Variants in XPNPEP2 observed in about 807,000 individuals in gnomAD.
XPNPEP2 encodes the protein xaa-Pro aminopeptidase 2.
XPNPEP2 carries 64 observed loss-of-function variants against 59.8 expected under a neutral mutation model. The ratio of observed to expected loss-of-function variants is 1.07; its 90% CI spans 0.87 to 1.32. The LOEUF (loss-of-function observed/expected upper bound fraction) is 1.32, where lower values mean the gene tolerates loss of function less well. XPNPEP2 is among the 40% of genes most tolerant of loss of function. The pLI, the probability that XPNPEP2 is intolerant of heterozygous loss-of-function variation, is 0.00. For missense variants in XPNPEP2, 575 were observed against 546.8 expected (o/e 1.05, Z -0.51); for synonymous variants, 235 against 210.0 (o/e 1.12, Z -1.03).
chrX:129,754,219 C>A (rs758510123), intron 11 of XPNPEP2, among the ~76,000 whole-genome samples: 1 of 112,255 alleles, frequency 8.9e-6, no homozygotes. Context: ...ACAACCACCC[C>A]CTCTGCTGCT....
chrX:129,755,123 C>A (rs1926493948), intron 12 of XPNPEP2, among the ~76,000 whole-genome samples, 171 bp from the exon 13 acceptor site: 1 of 112,302 alleles, frequency 8.9e-6, no homozygotes, highest in African/African-American at 3.2e-5. Context: ...CTATAAATGA[C>A]AGGTCAGGGC....
rs1295847265 is a variant in XPNPEP2, at chrX:129,768,369, G to A, written c.1909G>A (p.Glu637Lys). ...GCTGCAGAGGCGCCAGCTACTAGAG[G>A]AGTTCGAGTGGCTTCAACAGCACAC... ...PELQRRQLLE[E>K]FEWLQQHTEP... Residue 637 changes from glutamate to lysine, a missense_variant, in exon 21 of 21, where the codon GAG becomes AAG. Coordinates refer to ENST00000371106, the MANE Select transcript of XPNPEP2 (RefSeq NM_003399.6). 4.1e-6 allele frequency: 5 copies of A among 1,207,994 alleles called. No individual in the cohort carries two copies. The Admixed American group carries it at 8.8e-5, about 21-fold the overall frequency.
chrX:129,745,327 A>T (rs1244169404), intron 4 of XPNPEP2, 61 bp downstream of exon 4: 1 of 1,161,980 alleles, frequency 8.6e-7, no homozygotes, highest in East Asian at 3.0e-5. Context: ...GTCACAGAGG[A>T]CCTAATGTGG....
chrX:129,744,152 A>G, intron 3 of XPNPEP2, 81 bp downstream of exon 3: 1 of 879,461 alleles, frequency 1.1e-6, no homozygotes, highest in South Asian at 2.2e-5. Flanking sequence ...AAAACTCAGA[A>G]GATGAAGACA....
rs1481447777 is a variant in XPNPEP2 at position 129,746,587 on chromosome X, T to C, written c.404-8T>C. On this transcript the variant is annotated splice_region_variant and splice_polypyrimidine_tract_variant and intron_variant, in intron 5 of 20. Coordinates refer to ENST00000371106, the MANE Select transcript of XPNPEP2 (RefSeq NM_003399.6). ...TGACCTCTGCATTGCTTCCTATCTT[T>C]CTTTCAGTTGGCACCACTCCTATTG... The C allele has an allele frequency of 6.6e-6, 8 of 1,207,002 alleles. No homozygotes were observed. Among genetic ancestry groups the C allele is most frequent in the Middle Eastern group, 2.4e-4 (1 of 4,231 alleles).
rs369336961 is a variant in XPNPEP2, at chrX:129,740,628, CA to C, written c.49+1380del. Among the ~76,000 whole-genome samples the C allele has an allele frequency of 7.9e-3, 642 of 81,694 alleles. 7 individuals are homozygous for C. Among genetic ancestry groups the C allele is most frequent in the African/African-American group, 0.021 (465 of 22,342 alleles). The allele number at this position is 81,694 out of a possible 115,157, so 70.9% of individuals were successfully genotyped here. A position where few individuals can be genotyped will look rare whatever the true frequency, so the allele number is the denominator to read the frequency against. On this transcript the variant is annotated intron_variant, in intron 1 of 20. Coordinates refer to ENST00000371106, the MANE Select transcript of XPNPEP2 (RefSeq NM_003399.6). ...TGGGCAAAAGAAGGAGACTCCATCT[CA>C]AAAAAAAAAAAAATGCGGGCGCGGG...
At chrX:129,767,580 C>G (rs775850439) in intron 19 of XPNPEP2, 23 bp from the exon 20 acceptor site, 1 of 1,202,737 alleles carries the variant, frequency 8.3e-7, no homozygotes. Flanking sequence ...CCTGCTTACC[C>G]GGCTTCTATT....
intron 4 of XPNPEP2, among the ~76,000 whole-genome samples, 170 bp from the exon 5 acceptor site, chrX:129,746,066 C>A (rs1016108687): frequency 8.9e-6 from 1 of 112,323 alleles, no homozygotes; most frequent in Admixed American, 9.4e-5. Flanking sequence ...CAGCTCCCCC[C>A]ACAGCTCTTT....
intron 15 of XPNPEP2, 23 bp downstream of exon 15, chrX:129,759,263 C>T: frequency 8.3e-7 from 1 of 1,209,504 alleles, no homozygotes; most frequent in Non-Finnish European, 1.1e-6. Flanking sequence ...CCAGATTTCC[C>T]CTCACCACCT....
At position 129,756,537 on chromosome X, in the gene XPNPEP2, A is replaced by C. The variant is rs757139295; in HGVS notation, c.1349A>C (p.Asp450Ala). The change falls in exon 14 of 21, where the codon GAC (aspartate) becomes GCC (alanine). Residue 450 changes from aspartate (D) to alanine (A), a missense_variant. Coordinates refer to ENST00000371106, the MANE Select transcript of XPNPEP2 (RefSeq NM_003399.6). ...KLSSDEMYLL[D>A]SGGQYWDGTT... ...TCCTCAGATGAGATGTACCTGCTGG[A>C]CTCTGGGGGGCAGTACTGGTATGTA... 1.2e-5 allele frequency: 15 copies of C among 1,210,041 alleles called. No individual in the cohort carries two copies. Among genetic ancestry groups the C allele is most frequent in the Non-Finnish European group, 1.7e-5 (15 of 894,937 alleles).
intron 19 of XPNPEP2, among the ~76,000 whole-genome samples, chrX:129,765,745 C>A (rs1212026104): frequency 9.8e-6 from 1 of 102,509 alleles, no homozygotes; most frequent in Non-Finnish European, 2.0e-5. Flanking sequence ...TCAAGTGATT[C>A]TCTTGCCTTA....
chrX:129,745,181 G>T, intron 3 of XPNPEP2, 22 bp from the exon 4 acceptor site: 5 of 1,211,133 alleles, frequency 4.1e-6, no homozygotes, highest in Non-Finnish European at 5.6e-6. Context: ...AAAGGCTAAT[G>T]ATGGTGTTGT....
chrX:129,760,272 T>C (rs928159795), intron 15 of XPNPEP2, among the ~76,000 whole-genome samples: 1 of 112,523 alleles, frequency 8.9e-6, no homozygotes, highest in African/African-American at 3.2e-5. Flanking sequence ...ATTGTAATGA[T>C]CCTCATAGAC....
In XPNPEP2 at chrX:129,742,186, G is replaced by C; in HGVS notation, c.123+5G>C. 3 of 1,153,484 alleles carry C rather than the reference G, an allele frequency of 2.6e-6. No homozygotes were observed. ...AACTGTTCCACCAACCCCCCTGTGA[G>C]TGCCCCCTGCCCCCCGCGCACGGCC... On this transcript the variant is annotated splice_donor_5th_base_variant and intron_variant, in intron 2 of 20. Coordinates refer to ENST00000371106, the MANE Select transcript of XPNPEP2 (RefSeq NM_003399.6).
At chrX:129,745,982 C>T (rs996751668) in intron 4 of XPNPEP2, among the ~76,000 whole-genome samples, 2 of 111,450 alleles carry the variant, frequency 1.8e-5, no homozygotes, top group Non-Finnish European at 3.8e-5. Flanking sequence ...CAAAAGTTGA[C>T]CTCACTTCTG....
chrX:129,766,895 AAGAGC>A (rs759685083), intron 19 of XPNPEP2, among the ~76,000 whole-genome samples: 1 of 111,490 alleles, frequency 9.0e-6, no homozygotes, highest in African/African-American at 3.3e-5. Flanking sequence ...GAGAGCTAAC[AAGAGC>A]AGGGAAAACT....
intron 14 of XPNPEP2, 32 bp from the exon 15 acceptor site, chrX:129,759,148 G>T (rs1926609858): frequency 8.3e-7 from 1 of 1,208,499 alleles, no homozygotes; most frequent in Non-Finnish European, 1.1e-6. Context: ...CTAGCCCCAG[G>T]CATTTGGCAT....
In XPNPEP2 at chrX:129,767,664, T is replaced by C; in HGVS notation, c.1802T>C (p.Ile601Thr). The C allele has an allele frequency of 8.3e-7, 1 of 1,211,536 alleles. No individual in the cohort carries two copies. Among genetic ancestry groups the C allele is most frequent in the Non-Finnish European group, 1.1e-6 (1 of 895,444 alleles). ...VSFVPYDRNL[I>T]DVSLLSPEHL... ...TTTGTGCCCTATGACCGGAACCTCA[T>C]CGATGTCAGCCTGCTGTCTCCCGAG... Residue 601 changes from isoleucine to threonine, a missense_variant, in exon 20 of 21, where the codon ATC becomes ACC. By Grantham distance (89) the Ile-to-Thr change is moderately conservative (BLOSUM62 -1). Transcript: ENST00000371106.
chrX:129,765,965 A>G (rs899167919), intron 19 of XPNPEP2, among the ~76,000 whole-genome samples: 3 of 112,132 alleles, frequency 2.7e-5, no homozygotes, highest in African/African-American at 9.7e-5. Flanking sequence ...GAACTTGAGC[A>G]TCTTTCCACA....
Sources: gnomAD v4.1 joint callset for allele counts (sites outside exome capture counted in the v4.1 genomes callset) on GRCh38, gnomAD v4.1.1 for gene constraint, MANE v1.5 for transcripts, NCBI Gene and HGNC (gene_info 2026-07-23, HGNC 2026-07-21) for gene names.